AP1B1: variants seen among roughly 807,000 people sequenced by gnomAD.
AP1B1 encodes the protein adaptor related protein complex 1 subunit beta 1, also known as AP-1 complex subunit beta-1.
AP1B1 carries 36 observed loss-of-function variants against 104.3 expected under a neutral mutation model. The observed-to-expected ratio is 0.35, with a 90% CI of 0.26 to 0.46. The LOEUF is 0.46. AP1B1 is among the 20% of genes least tolerant of loss of function. AP1B1 has a pLI of 1.00. For missense variants in AP1B1, 901 were observed against 1,247.9 expected (o/e 0.72, Z 4.19); for synonymous variants, 504 against 517.5 (o/e 0.97, Z 0.35).
At chr22:29,357,687 T>TA (rs2061981349) in intron 5 of AP1B1, among the ~76,000 whole-genome samples, 2 of 98,110 alleles carry the variant, frequency 2.0e-5, no homozygotes, top group African/African-American at 1.3e-4. Context: ...CTCAGGCAGC[T>TA]GTTTTTTTTT....
chr22:29,371,871 C>T (rs1000881263), intron 1 of AP1B1, among the ~76,000 whole-genome samples: 2 of 152,154 alleles, frequency 1.3e-5, no homozygotes, highest in Admixed American at 1.3e-4. Flanking sequence ...TAATGAGTCA[C>T]TTTGCTAAGG....
intron 14 of AP1B1, 101 bp from the exon 15 acceptor site, chr22:29,339,875 G>C: frequency 2.0e-5 from 26 of 1,278,678 alleles, no homozygotes; most frequent in Non-Finnish European, 2.8e-5. Context: ...GGGAAAGAGG[G>C]AGATTAGTCA....
Position 29,351,845 on chromosome 22 carries a change from C to T in AP1B1, c.939-20G>A, listed in dbSNP as rs1247881717. The T allele has an allele frequency of 1.2e-6, 2 of 1,611,420 alleles. No homozygotes were observed. The highest frequency in any genetic ancestry group is 1.7e-5 in the Admixed American group (1 of 59,108). On this transcript the variant is annotated intron_variant, in intron 7 of 22. Coordinates refer to ENST00000357586, the MANE Select transcript of AP1B1 (RefSeq NM_001127.4). Reference sequence around the variant, plus strand: ...TCAGGCCTGGTGGTGGGGCAGGATGCCCGGAGAGCAAAAAACAAGGCTTAA... The same window carrying T: ...TCAGGCCTGGTGGTGGGGCAGGATGTCCGGAGAGCAAAAAACAAGGCTTAA...
At chr22:29,347,454 C>T (rs1274677018) in intron 11 of AP1B1, among the ~76,000 whole-genome samples, 1 of 152,128 alleles carries the variant, frequency 6.6e-6, no homozygotes, top group Admixed American at 6.6e-5. Context: ...AAGGGATAAG[C>T]ATAAAGTTAC....
intron 22 of AP1B1, chr22:29,329,229 G>A: frequency 8.3e-7 from 1 of 1,207,486 alleles, no homozygotes; most frequent in Non-Finnish European, 1.0e-6. Flanking sequence ...AGTCCCTGAA[G>A]GTCTGGGGTC....
Position 29,387,305 on chromosome 22 carries a change from CTTTT to C in AP1B1, c.-28+1115_-28+1118del, listed in dbSNP as rs1014176421. Among the ~76,000 whole-genome samples the C allele has an allele frequency of 3.1e-5, 4 of 128,062 alleles. No homozygotes were observed. The Admixed American group carries it at 3.1e-4, about 10-fold the overall frequency. 84.0% of individuals were successfully genotyped at this position (128,062 alleles called of 152,430 possible). A position where few individuals can be genotyped will look rare whatever the true frequency, so the allele number is the denominator to read the frequency against. On this transcript the variant is annotated intron_variant, in intron 1 of 22. Transcript: ENST00000357586. ...AATAAATACAACGGCAGCTAAAAAT[CTTTT>C]TTTTTTTTTTTTTTTTGAGACGGAG...
At chr22:29,347,005 A>G (rs993566294) in intron 11 of AP1B1, among the ~76,000 whole-genome samples, 1 of 152,160 alleles carries the variant, frequency 6.6e-6, no homozygotes, top group African/African-American at 2.4e-5. Context: ...GGCTCAGGAT[A>G]ATGCAAATAG....
At chr22:29,359,069 G>C (rs1029830190) in intron 4 of AP1B1, 98 bp from the exon 5 acceptor site, 7 of 1,245,698 alleles carry the variant, frequency 5.6e-6, no homozygotes, top group African/African-American at 4.5e-5. Context: ...GCTAGGCTGA[G>C]CGACATCAGA....
At chr22:29,340,992 G>A (rs1017855848) in intron 13 of AP1B1, 135 bp from the exon 14 acceptor site, 4 of 838,758 alleles carry the variant, frequency 4.8e-6, no homozygotes, top group Non-Finnish European at 7.3e-6. Flanking sequence ...CTGTCCACAC[G>A]GCCCCACTTC....
intron 18 of AP1B1, 97 bp from the exon 19 acceptor site, chr22:29,331,630 T>C: frequency 3.8e-6 from 6 of 1,568,978 alleles, no homozygotes; most frequent in Non-Finnish European, 5.3e-6. Flanking sequence ...CCCAGGGCCT[T>C]CCCTGGTAAA....
At chr22:29,357,521 A>G (rs2061977914) in intron 5 of AP1B1, among the ~76,000 whole-genome samples, 2 of 151,762 alleles carry the variant, frequency 1.3e-5, no homozygotes, top group South Asian at 4.2e-4. Context: ...ACGCACCACC[A>G]TGCCCAGCTA....
At chr22:29,370,697 A>T (rs1354411982) in intron 1 of AP1B1, 2 of 151,976 alleles carry the variant, frequency 1.3e-5, no homozygotes, top group Non-Finnish European at 2.9e-5. Flanking sequence ...CGGGTGAGAA[A>T]GCCTTTCTTT....
chr22:29,340,531 T>G, intron 14 of AP1B1, 125 bp downstream of exon 14: 1 of 1,042,878 alleles, frequency 9.6e-7, no homozygotes, highest in Non-Finnish European at 1.3e-6. Context: ...CCTCCAAGGG[T>G]AAATGGTAAG....
intron 2 of AP1B1, among the ~76,000 whole-genome samples, chr22:29,364,706 G>A (rs1355760083): frequency 3.4e-5 from 5 of 148,962 alleles, no homozygotes; most frequent in East Asian, 2.0e-4. Context: ...GAGCCACCAC[G>A]CCCGGCCATT....
intron 1 of AP1B1, among the ~76,000 whole-genome samples, chr22:29,374,509 A>C (rs2062301370): frequency 6.6e-6 from 1 of 152,174 alleles, no homozygotes; most frequent in African/African-American, 2.4e-5. Flanking sequence ...AGTTCACAGA[A>C]AGTGAATTAA....
chr22:29,332,288 C>T, intron 17 of AP1B1: 1 of 178,566 alleles, frequency 5.6e-6, no homozygotes. Flanking sequence ...GCTGCTTCTA[C>T]CTTGAAAACT....
chr22:29,367,151 CAG>C, intron 2 of AP1B1, 54 bp downstream of exon 2: 1 of 1,560,426 alleles, frequency 6.4e-7, no homozygotes, highest in Non-Finnish European at 8.8e-7. Flanking sequence ...AGGAGGAAAA[CAG>C]AAGGGACAGG....
At chr22:29,360,199 C>T (rs887661197) in intron 3 of AP1B1, among the ~76,000 whole-genome samples, 3 of 152,140 alleles carry the variant, frequency 2.0e-5, no homozygotes, top group African/African-American at 7.2e-5. Context: ...TCATATAGTT[C>T]AAACATGAGT....
chr22:29,343,237 C>A (rs2061740386), intron 11 of AP1B1, among the ~76,000 whole-genome samples: 1 of 152,256 alleles, frequency 6.6e-6, no homozygotes, highest in Non-Finnish European at 1.5e-5. Context: ...CAGCCTGATG[C>A]TCCCGGAGTC....
Sources: allele counts gnomAD v4.1 joint callset (sites outside exome capture counted in the v4.1 genomes callset), GRCh38; gene constraint gnomAD v4.1.1; transcripts MANE v1.5; gene names NCBI Gene and HGNC (gene_info 2026-07-23, HGNC 2026-07-21).